CACNA1H: variants seen among roughly 807,000 people sequenced by gnomAD.
The protein encoded by CACNA1H is calcium voltage-gated channel subunit alpha1 H.
CACNA1H carries 149 observed loss-of-function variants against 192.5 expected under a neutral mutation model. That is an observed-to-expected ratio of 0.77 (90% CI 0.68 to 0.89). CACNA1H has a LOEUF of 0.89. CACNA1H is among the 40% of genes least tolerant of loss of function. The pLI is 0.00. For missense variants in CACNA1H, 4,257 were observed against 3,423.5 expected (o/e 1.24, Z -6.08); for synonymous variants, 2,202 against 1,475.2 (o/e 1.49, Z -11.29).
chr16:1,164,279 G>C (rs1332558259), intron 2 of CACNA1H, among the ~76,000 whole-genome samples: 2 of 152,186 alleles, frequency 1.3e-5, no homozygotes, highest in African/African-American at 4.8e-5. Flanking sequence ...TGCAGTCCAA[G>C]GCCCCAGGAA....
At chr16:1,204,683 G>T (rs1362339353) in intron 10 of CACNA1H, among the ~76,000 whole-genome samples, 3 of 151,838 alleles carry the variant, frequency 2.0e-5, no homozygotes, top group Admixed American at 6.6e-5. Flanking sequence ...AGCTGATTAG[G>T]CTCCTTTTGA....
chr16:1,217,810 C>A, intron 31 of CACNA1H, 109 bp from the exon 32 acceptor site: 1 of 1,383,202 alleles, frequency 7.2e-7, no homozygotes, highest in Non-Finnish European at 9.7e-7. Context: ...CCACATCCTC[C>A]GGGCTATCCT....
intron 27 of CACNA1H, among the ~76,000 whole-genome samples, chr16:1,214,483 G>A (rs75538880): frequency 0.025 from 3,859 of 152,240 alleles, 87 homozygotes; most frequent in East Asian, 0.11. Flanking sequence ...CCGGAGGTTC[G>A]TCCTCAGAGG....
At chr16:1,208,817 G>A (rs1193291791) in intron 16 of CACNA1H, among the ~76,000 whole-genome samples, 1 of 152,146 alleles carries the variant, frequency 6.6e-6, no homozygotes, top group Non-Finnish European at 1.5e-5. Context: ...CAGAGCCCAG[G>A]GCATCACCCC....
chr16:1,181,538 G>A (rs1965466652), intron 2 of CACNA1H, among the ~76,000 whole-genome samples: 1 of 152,266 alleles, frequency 6.6e-6, no homozygotes, highest in African/African-American at 2.4e-5. Flanking sequence ...GCTTCCCGCA[G>A]GCACGGAGAG....
rs1368670887 is a variant in CACNA1H, at chr16:1,221,285, G to A, written c.*291G>A. ...CGTCAGGAGAGAAGCCGCGTCTGTG[G>A]GACGAAGACCGGGCACCCGCCAGAG... On this transcript the variant is annotated 3_prime_UTR_variant, in exon 35 of 35. Coordinates refer to ENST00000348261, the MANE Select transcript of CACNA1H (RefSeq NM_021098.3). 1 of 431,610 alleles carries A rather than the reference G, an allele frequency of 2.3e-6. No homozygotes were observed. Among genetic ancestry groups the A allele is most frequent in the Non-Finnish European group, 4.1e-6 (1 of 245,068 alleles). 26.7% of individuals were successfully genotyped at this position (431,610 alleles called of 1,614,324 possible).
intron 9 of CACNA1H, 78 bp downstream of exon 9, chr16:1,202,530 C>G: frequency 2.3e-6 from 3 of 1,290,928 alleles, no homozygotes; most frequent in Non-Finnish European, 3.1e-6. Context: ...GTGTCATTCC[C>G]ACACCCATTG....
chr16:1,183,628 C>T (rs906640387), intron 2 of CACNA1H, among the ~76,000 whole-genome samples: 1 of 152,238 alleles, frequency 6.6e-6, no homozygotes, highest in African/African-American at 2.4e-5. Flanking sequence ...GTCGGGGGTC[C>T]GGGGGAGGCG....
At chr16:1,164,690 C>T (rs1000044605) in intron 2 of CACNA1H, among the ~76,000 whole-genome samples, 19 of 152,196 alleles carry the variant, frequency 1.2e-4, no homozygotes, top group Admixed American at 7.2e-4. Flanking sequence ...GGAGACCCTT[C>T]GGATCTCCCT....
chr16:1,166,878 G>A (rs1420227949), intron 2 of CACNA1H, among the ~76,000 whole-genome samples: 1 of 152,206 alleles, frequency 6.6e-6, no homozygotes, highest in Admixed American at 6.5e-5. Context: ...GGCGCTGCCG[G>A]GCCGTCCCTG....
At chr16:1,189,397 CTTTTTTTTTTTTTTTTTTTTTT>C (rs3990780) in intron 2 of CACNA1H, among the ~76,000 whole-genome samples, 6 of 45,016 alleles carry the variant, frequency 1.3e-4, no homozygotes, top group African/African-American at 2.2e-4. Flanking sequence ...GAAGAGTGTC[CTTTTTTTTTTTTTTTTTTTTTT>C]TTTTTTTTTT....
At chr16:1,207,592 G>T (rs1461052925) in intron 14 of CACNA1H, among the ~76,000 whole-genome samples, 162 bp downstream of exon 14, 1 of 152,100 alleles carries the variant, frequency 6.6e-6, no homozygotes, top group Non-Finnish European at 1.5e-5. Context: ...AGCGGAGTGG[G>T]CAGGGGTCGG....
chr16:1,163,518 A>T (rs1963439168), intron 2 of CACNA1H, among the ~76,000 whole-genome samples: 1 of 152,226 alleles, frequency 6.6e-6, no homozygotes, highest in Admixed American at 6.5e-5. Flanking sequence ...GAGAGCAGCC[A>T]CGACCTGCCG....
rs760574517 is a variant in CACNA1H, at chr16:1,209,378, A to C, written c.3710A>C (p.Glu1237Ala). 5.0e-6 allele frequency: 8 copies of C among 1,597,850 alleles called. No homozygotes were observed. The South Asian group carries it at 8.8e-5, about 18-fold the overall frequency. Reference sequence around the variant, plus strand: ...TTCCTGCGCATCGACAGCCACCGTGAGGATGCAGCCGAGCTTGACGACGAC... The same window carrying C: ...TTCCTGCGCATCGACAGCCACCGTGCGGATGCAGCCGAGCTTGACGACGAC... ...DFFLRIDSHR[E>A]DAAELDDDSE... The change falls in exon 17 of 35, where the codon GAG becomes GCG. Residue 1237 changes from glutamate (E) to alanine (A), a missense_variant. Coordinates refer to ENST00000348261, the MANE Select transcript of CACNA1H (RefSeq NM_021098.3).
At position 1,206,208 on chromosome 16, in the gene CACNA1H, G is replaced by A. The variant is rs1057520721; in HGVS notation, c.2708G>A (p.Arg903His). ...KLVRFLPALRRQLVVLVKTMD... is the reference protein window; with the variant it reads ...KLVRFLPALRHQLVVLVKTMD... ...GTGCGCTTTCTGCCAGCCCTGCGGC[G>A]CCAGCTCGTGGTGCTGGTGAAGACC... The change falls in exon 12 of 35, where the codon CGC becomes CAC. Residue 903 changes from arginine (R) to histidine (H), a missense_variant. Coordinates refer to ENST00000348261, the MANE Select transcript of CACNA1H (RefSeq NM_021098.3). 25 of 1,593,064 alleles carry A rather than the reference G, an allele frequency of 1.6e-5. No individual in the cohort carries two copies. Among genetic ancestry groups the A allele is most frequent in the Middle Eastern group, 1.8e-4 (1 of 5,560 alleles).
At chr16:1,213,974 C>T in intron 27 of CACNA1H, 43 bp downstream of exon 27, 1 of 1,548,546 alleles carries the variant, frequency 6.5e-7, no homozygotes, top group Non-Finnish European at 8.8e-7. Context: ...GCTGGGGCAC[C>T]CCCAGTGGGG....
chr16:1,174,551 G>A (rs1410380607), intron 2 of CACNA1H, among the ~76,000 whole-genome samples: 1 of 152,096 alleles, frequency 6.6e-6, no homozygotes, highest in African/African-American at 2.4e-5. Flanking sequence ...GGTCACTGTA[G>A]CTCTCGAAGG....
chr16:1,164,281 C>T (rs1596303521), intron 2 of CACNA1H, among the ~76,000 whole-genome samples: 1 of 152,150 alleles, frequency 6.6e-6, no homozygotes, highest in African/African-American at 2.4e-5. Context: ...CAGTCCAAGG[C>T]CCCAGGAATA....
intron 31 of CACNA1H, among the ~76,000 whole-genome samples, chr16:1,217,537 C>CG (rs1567553511): frequency 6.6e-6 from 1 of 152,232 alleles, no homozygotes; most frequent in Admixed American, 6.5e-5. Flanking sequence ...GGCCCTCCCC[C>CG]GGGCCCTGTC....
Sources: gnomAD v4.1 joint callset for allele counts (sites outside exome capture counted in the v4.1 genomes callset) on GRCh38, gnomAD v4.1.1 for gene constraint, MANE v1.5 for transcripts, NCBI Gene and HGNC (gene_info 2026-07-23, HGNC 2026-07-21) for gene names.